The following MEGF11 variants were observed in gnomAD, a reference collection of about 807,000 sequenced individuals.
MEGF11 encodes multiple EGF like domains 11, also known as multiple epidermal growth factor-like domains protein 11.
MEGF11 carries 126 observed loss-of-function variants against 146.6 expected under a neutral mutation model. The ratio of observed to expected loss-of-function variants is 0.86; its 90% confidence interval spans 0.74 to 1.00. The LOEUF (loss-of-function observed/expected upper bound fraction) is 1.00. Ranked by LOEUF, MEGF11 falls within the 50% of genes least tolerant of loss-of-function variation. MEGF11 has a pLI of 0.00. For missense variants in MEGF11, 1,509 were observed against 1,521.2 expected (o/e 0.99, Z 0.13); for synonymous variants, 532 against 583.4 (o/e 0.91, Z 1.27).
intron 7 of MEGF11, among the ~76,000 whole-genome samples, chr15:65,978,145 G>A (rs1321811408): frequency 2.0e-5 from 3 of 152,208 alleles, no homozygotes; most frequent in Admixed American, 1.3e-4. Flanking sequence ...GAGGTGCATG[G>A]TGTGAATAAG....
At chr15:65,899,077 T>A in intron 24 of MEGF11, 143 bp from the exon 25 acceptor site, 1 of 792,272 alleles carries the variant, frequency 1.3e-6, no homozygotes, top group Non-Finnish European at 2.0e-6. Context: ...ATTTACTTAT[T>A]AAATGTGCTG....
chr15:65,996,198 T>C (rs1355871884), intron 5 of MEGF11, among the ~76,000 whole-genome samples: 2 of 152,182 alleles, frequency 1.3e-5, no homozygotes, highest in Non-Finnish European at 2.9e-5. Flanking sequence ...CTCCTTGACA[T>C]GCCTTCCATC....
chr15:65,968,959 A>C (rs907658743), intron 8 of MEGF11, among the ~76,000 whole-genome samples: 1 of 152,188 alleles, frequency 6.6e-6, no homozygotes, highest in Non-Finnish European at 1.5e-5. Flanking sequence ...GCAATTTTAC[A>C]AAATATTAAA....
In MEGF11 at chr15:66,049,494, C is replaced by A. The variant is rs376277875; in HGVS notation, c.394+44908G>T. ...TTAGAATCTATCTGCAGGCCAAGTGCCGCAGTGAGGGAAGCAATGTTTTTT... is the reference window on the plus strand; with the variant it reads ...TTAGAATCTATCTGCAGGCCAAGTGACGCAGTGAGGGAAGCAATGTTTTTT... On this transcript the variant is annotated intron_variant, in intron 5 of 25. Coordinates refer to ENST00000395614, the MANE Select transcript of MEGF11 (RefSeq NM_001385028.1). Among the ~76,000 whole-genome samples, 5 of 152,186 alleles carry A rather than the reference C, an allele frequency of 3.3e-5. No individual in the cohort carries two copies. In the East Asian group the frequency reaches 7.7e-4, roughly 23 times the overall value.
chr15:66,251,417 C>T (rs939830017), intron 1 of MEGF11, among the ~76,000 whole-genome samples: 1 of 152,212 alleles, frequency 6.6e-6, no homozygotes, highest in African/African-American at 2.4e-5. Context: ...CTCCTCTTTC[C>T]CTATGGGTTG....
intron 5 of MEGF11, among the ~76,000 whole-genome samples, chr15:66,081,880 C>G (rs2140547401): frequency 6.6e-6 from 1 of 152,198 alleles, no homozygotes; most frequent in Non-Finnish European, 1.5e-5. Flanking sequence ...GGACCTGTGT[C>G]GAGTCTGTGG....
chr15:65,939,029 G>T (rs372622482), intron 10 of MEGF11, among the ~76,000 whole-genome samples: 3 of 152,190 alleles, frequency 2.0e-5, no homozygotes, highest in Non-Finnish European at 4.4e-5. Flanking sequence ...ATTGGAGGAG[G>T]ATGGAAAGTG....
intron 7 of MEGF11, among the ~76,000 whole-genome samples, chr15:65,977,025 C>CG (rs1418308727): frequency 1.3e-5 from 2 of 151,912 alleles, no homozygotes; most frequent in Non-Finnish European, 2.9e-5. Context: ...AAAAGTTAGC[C>CG]GGGCGTGATG....
At chr15:66,193,586 A>G (rs72744486) in intron 1 of MEGF11, among the ~76,000 whole-genome samples, 7,221 of 152,230 alleles carry the variant, frequency 0.047, 250 homozygotes, top group Middle Eastern at 0.075. Context: ...CCAAACATAG[A>G]TCAAAAATAC....
chr15:66,060,510 C>T (rs1263570508), intron 5 of MEGF11, among the ~76,000 whole-genome samples: 3 of 152,230 alleles, frequency 2.0e-5, no homozygotes, highest in African/African-American at 7.2e-5. Context: ...GGGATGTAGC[C>T]TTCTCCTCTC....
At chr15:66,151,039 G>A (rs2089554536) in intron 1 of MEGF11, among the ~76,000 whole-genome samples, 1 of 152,172 alleles carries the variant, frequency 6.6e-6, no homozygotes, top group Non-Finnish European at 1.5e-5. Context: ...GGCTGGGGAG[G>A]TCCCCTTTTT....
intron 8 of MEGF11, 172 bp from the exon 9 acceptor site, chr15:65,965,292 TA>T (rs2141564588): frequency 1.8e-6 from 1 of 552,264 alleles, no homozygotes; most frequent in South Asian, 2.7e-5. Context: ...GTCCATGGTT[TA>T]GTTCGCCCCA....
At chr15:66,099,922 CCA>C (rs1452051449) in intron 4 of MEGF11, among the ~76,000 whole-genome samples, 2 of 152,056 alleles carry the variant, frequency 1.3e-5, no homozygotes, top group Admixed American at 6.5e-5. Context: ...GAGACACAGT[CCA>C]GAGTCAACTC....
chr15:66,068,181 A>G (rs542974328), intron 5 of MEGF11, among the ~76,000 whole-genome samples: 7 of 152,220 alleles, frequency 4.6e-5, no homozygotes, highest in African/African-American at 7.2e-5. Flanking sequence ...GTGAGCCCCA[A>G]TAGGGCAGGG....
intron 1 of MEGF11, among the ~76,000 whole-genome samples, chr15:66,132,659 A>G (rs1001884330): frequency 1.3e-5 from 2 of 152,188 alleles, no homozygotes; most frequent in Non-Finnish European, 2.9e-5. Context: ...TGAGTGGGAA[A>G]GCTTGCCAGG....
rs1462825259 is a variant in MEGF11, at chr15:66,134,157, G to T, written c.-8-5746C>A. Reference sequence around the variant, plus strand: ...GGCCCTGACATCAGTCAGGCCCAGAGAAAAATCACAGCCTACCCTGGAGCA... The same window carrying T: ...GGCCCTGACATCAGTCAGGCCCAGATAAAAATCACAGCCTACCCTGGAGCA... On this transcript the variant is annotated intron_variant, in intron 1 of 25. Coordinates refer to ENST00000395614, the MANE Select transcript of MEGF11 (RefSeq NM_001385028.1). Among the ~76,000 whole-genome samples the T allele has an allele frequency of 2.0e-5, 3 of 152,106 alleles. No homozygotes were observed. In the South Asian group the frequency reaches 6.2e-4, roughly 32 times the overall value.
At chr15:66,016,479 GTTTTTTTT>G (rs58588643) in intron 5 of MEGF11, among the ~76,000 whole-genome samples, 3 of 127,696 alleles carry the variant, frequency 2.3e-5, no homozygotes, top group Non-Finnish European at 3.2e-5. Flanking sequence ...CATCCATTCA[GTTTTTTTT>G]TTTTTTTTTT....
intron 1 of MEGF11, among the ~76,000 whole-genome samples, chr15:66,142,484 A>G (rs1020894997): frequency 2.6e-5 from 4 of 152,242 alleles, no homozygotes; most frequent in Non-Finnish European, 5.9e-5. Flanking sequence ...AATTTCACCC[A>G]CTGTGGAGCA....
intron 12 of MEGF11, 48 bp from the exon 13 acceptor site, chr15:65,928,575 A>T (rs2079457958): frequency 7.5e-7 from 1 of 1,325,906 alleles, no homozygotes; most frequent in Admixed American, 2.0e-5. Flanking sequence ...AAACCTCCAG[A>T]GGTTTGTGTA....
Sources: allele counts gnomAD v4.1 joint callset (sites outside exome capture counted in the v4.1 genomes callset), GRCh38; gene constraint gnomAD v4.1.1; transcripts MANE v1.5; gene names NCBI Gene and HGNC (gene_info 2026-07-23, HGNC 2026-07-21).